The following PCDHA2 variants were observed in gnomAD, a reference collection of about 807,000 sequenced individuals.
PCDHA2 encodes the protein protocadherin alpha-2.
PCDHA2 carries 58 observed loss-of-function variants against 66.0 expected under a neutral mutation model. The ratio of observed to expected loss-of-function variants is 0.88; its 90% confidence interval spans 0.71 to 1.09. PCDHA2 has a LOEUF of 1.09. PCDHA2 is among the 50% of genes least tolerant of loss of function. PCDHA2 has a pLI of 0.00. For missense variants in PCDHA2, 1,267 were observed against 1,242.3 expected (o/e 1.02, Z -0.30); for synonymous variants, 634 against 554.0 (o/e 1.14, Z -2.03).
chr5:140,952,546 C>T (rs1449369285), intron 1 of PCDHA2, among the ~76,000 whole-genome samples: 1 of 152,108 alleles, frequency 6.6e-6, no homozygotes, highest in African/African-American at 2.4e-5. Flanking sequence ...CTTCTTTGTC[C>T]ATTTCACTAT....
intron 1 of PCDHA2, chr5:140,968,408 A>G: frequency 6.2e-7 from 1 of 1,613,980 alleles, no homozygotes; most frequent in Non-Finnish European, 8.5e-7. Flanking sequence ...GTTCTTTGTG[A>G]CTGTGGAGGC....
At chr5:140,937,039 CTT>C (rs34994034) in intron 1 of PCDHA2, among the ~76,000 whole-genome samples, 9 of 140,130 alleles carry the variant, frequency 6.4e-5, no homozygotes, top group Admixed American at 7.1e-5. Context: ...TTCCATTTAT[CTT>C]TTTTTTTTTT....
intron 1 of PCDHA2, among the ~76,000 whole-genome samples, chr5:140,916,342 T>C (rs1365738177): frequency 2.0e-5 from 3 of 152,122 alleles, no homozygotes; most frequent in Admixed American, 6.5e-5. Context: ...TTCCTCTGTT[T>C]CTGTCAAACA....
At chr5:140,912,178 G>A (rs2153520957) in intron 1 of PCDHA2, among the ~76,000 whole-genome samples, 1 of 152,266 alleles carries the variant, frequency 6.6e-6, no homozygotes, top group South Asian at 2.1e-4. Flanking sequence ...GCTGGCAGCT[G>A]ATTAGATTGT....
chr5:140,882,022 A>G (rs2153382292), intron 1 of PCDHA2: 2 of 571,970 alleles, frequency 3.5e-6, no homozygotes, highest in Non-Finnish European at 5.6e-6. Flanking sequence ...TACTACATCA[A>G]TGGAAAATAT....
Position 140,851,530 on chromosome 5 carries a change from A to AT in PCDHA2, c.2388+54179dup, listed in dbSNP as rs746126939. ...AAAATATGTTTTAAAATGCCTGACA[A>AT]TGTAGATAATTCAAGAAATGTTGAC... is the stretch of plus-strand genomic sequence containing the variant. On this transcript the variant is annotated intron_variant, in intron 1 of 3. Transcript: ENST00000526136. 7.7e-4 allele frequency: 698 copies of AT among 902,810 alleles called. 38 individuals are homozygous for AT. The highest frequency in any genetic ancestry group is 9.1e-4 in the Non-Finnish European group (671 of 740,872). 55.9% of individuals were successfully genotyped at this position (902,810 alleles called of 1,614,324 possible).
intron 1 of PCDHA2, among the ~76,000 whole-genome samples, chr5:140,916,064 T>G (rs1282899200): frequency 1.3e-5 from 2 of 152,156 alleles, no homozygotes; most frequent in African/African-American, 4.8e-5. Flanking sequence ...CCTCTCCCTG[T>G]GGCCAGTACT....
chr5:140,824,274 ATGC>A, intron 1 of PCDHA2: 2 of 1,155,556 alleles, frequency 1.7e-6, no homozygotes, highest in Non-Finnish European at 2.5e-6. Context: ...CATGTATTAT[ATGC>A]TTTTTATGAG....
intron 1 of PCDHA2, chr5:140,863,473 C>A (rs966575223): frequency 6.2e-6 from 3 of 487,660 alleles, no homozygotes; most frequent in South Asian, 1.6e-5. Flanking sequence ...TCTGGAGAGT[C>A]GCCTCCCAAG....
At position 141,009,688 on chromosome 5, in the gene PCDHA2, C is replaced by A. The variant is rs2098413722; in HGVS notation, c.2598C>A (p.Thr866=). 1 of 1,613,960 alleles carries A rather than the reference C, an allele frequency of 6.2e-7. No individual in the cohort carries two copies. Among genetic ancestry groups the A allele is most frequent in the Admixed American group, 1.7e-5 (1 of 59,994 alleles). ...CGGGTGTCAACAGCAACAGCTGGAC[C>A]TTTAAATACGGACCAGGCAACCCCA... ...VGAGVNSNSW[T]FKYGPGNPKQ... is the part of the protein sequence containing the mutation. Residue 866 remains threonine, a synonymous_variant, in exon 4 of 4, where the codon ACC becomes ACA. Transcript: ENST00000526136.
At chr5:140,909,966 G>C (rs1583724116) in intron 1 of PCDHA2, among the ~76,000 whole-genome samples, 1 of 152,202 alleles carries the variant, frequency 6.6e-6, no homozygotes, top group African/African-American at 2.4e-5. Flanking sequence ...TCTCCATGGG[G>C]AAGGATGGGA....
rs782163702 is a variant in PCDHA2, at chr5:140,979,042, C to G, written c.2447+35C>G. 3.1e-6 allele frequency: 5 copies of G among 1,612,562 alleles called. No individual in the cohort carries two copies. The South Asian group carries it at 4.4e-5, about 14-fold the overall frequency. Reference sequence around the variant, plus strand: ...TCCCTCCTCATTCACTCAGAAGTAACCTTAACTTGGTATGGCTCAGATAAA... The same window carrying G: ...TCCCTCCTCATTCACTCAGAAGTAAGCTTAACTTGGTATGGCTCAGATAAA... On this transcript the variant is annotated intron_variant, in intron 2 of 3. Coordinates refer to ENST00000526136, the MANE Select transcript of PCDHA2 (RefSeq NM_018905.3).
intron 1 of PCDHA2, among the ~76,000 whole-genome samples, chr5:140,973,624 A>G (rs2096595807): frequency 6.6e-6 from 1 of 152,204 alleles, no homozygotes; most frequent in African/African-American, 2.4e-5. Flanking sequence ...CTGTTTCTGT[A>G]TCTTGTACAC....
intron 1 of PCDHA2, among the ~76,000 whole-genome samples, chr5:140,964,075 AT>A (rs1277799626): frequency 9.2e-5 from 14 of 152,324 alleles, no homozygotes; most frequent in African/African-American, 3.1e-4. Flanking sequence ...TAGTGTTAAT[AT>A]TTGTAGAAAG....
chr5:140,802,152 C>G (rs781836341), intron 1 of PCDHA2: 3 of 1,614,158 alleles, frequency 1.9e-6, no homozygotes, highest in Non-Finnish European at 2.5e-6. Flanking sequence ...ATATGAAATC[C>G]AGGTAGAAGC....
At chr5:141,005,701 CAAA>C (rs59860837) in intron 3 of PCDHA2, among the ~76,000 whole-genome samples, 30 of 7,778 alleles carry the variant, frequency 3.9e-3, no homozygotes, top group African/African-American at 0.012. Context: ...AACTCCGTCT[CAAA>C]AAAAAAAAAA....
rs1358633051 is a variant in PCDHA2, at chr5:140,859,520, T to TA, written c.2388+62176dup. On this transcript the variant is annotated intron_variant, in intron 1 of 3. Coordinates refer to ENST00000526136, the MANE Select transcript of PCDHA2 (RefSeq NM_018905.3). ...TACCTGATACCCATGATTTCATTTT[T>TA]AAAAAAAATTTATTAATTCTAGTGT... 5.7e-5 allele frequency: 11 copies of TA among 194,288 alleles called. 2 individuals are homozygous for TA. The highest frequency in any genetic ancestry group is 1.0e-4 in the Non-Finnish European group (10 of 97,338). The allele number at this position is 194,288 out of a possible 1,614,324, so 12.0% of individuals were successfully genotyped here. A position where few individuals can be genotyped will look rare whatever the true frequency, so the allele number is the denominator to read the frequency against.
At chr5:140,899,035 G>C (rs2067107583) in intron 1 of PCDHA2, among the ~76,000 whole-genome samples, 1 of 151,908 alleles carries the variant, frequency 6.6e-6, no homozygotes, top group African/African-American at 2.4e-5. Context: ...TTTGTACATT[G>C]ATTTTGTATC....
intron 1 of PCDHA2, among the ~76,000 whole-genome samples, chr5:140,938,194 C>T (rs782229712): frequency 5.9e-5 from 9 of 152,206 alleles, no homozygotes; most frequent in South Asian, 2.1e-4. Context: ...AATCCTCCCA[C>T]GCCAGCCTCC....
Sources: gnomAD v4.1 joint callset for allele counts (sites outside exome capture counted in the v4.1 genomes callset) on GRCh38, gnomAD v4.1.1 for gene constraint, MANE v1.5 for transcripts, NCBI Gene and HGNC (gene_info 2026-07-23, HGNC 2026-07-21) for gene names.